The following MON2 variants were observed in gnomAD, a reference collection of about 807,000 sequenced individuals.
The protein encoded by MON2 is protein MON2 homolog.
Under a neutral mutation model 208.6 loss-of-function variants are expected in MON2, and 84 were observed. The ratio of observed to expected loss-of-function variants is 0.40; its 90% CI spans 0.34 to 0.48. The LOEUF (loss-of-function observed/expected upper bound fraction) is 0.48, where lower values mean the gene tolerates loss of function less well. MON2 is among the 20% of genes least tolerant of loss of function. MON2 has a pLI of 0.59. For synonymous variants in MON2, 660 were observed against 694.0 expected (o/e 0.95, Z 0.77); for missense variants, 1,611 against 2,015.4 (o/e 0.80, Z 3.84).
intron 7 of MON2, 143 bp from the exon 8 acceptor site, chr12:62,508,143 A>T: frequency 1.5e-6 from 1 of 658,840 alleles, no homozygotes; most frequent in Non-Finnish European, 2.5e-6. Context: ...CTATAAAATA[A>T]TAAAACATAT....
chr12:62,546,146 T>C (rs1213592308), intron 21 of MON2, among the ~76,000 whole-genome samples: 2 of 152,162 alleles, frequency 1.3e-5, no homozygotes, highest in Non-Finnish European at 2.9e-5. Flanking sequence ...ATAAGTATTA[T>C]AGCTTCTATT....
At chr12:62,506,167 A>G (rs1161856797) in intron 7 of MON2, among the ~76,000 whole-genome samples, 1 of 152,246 alleles carries the variant, frequency 6.6e-6, no homozygotes, top group Admixed American at 6.5e-5. Flanking sequence ...TTATTTTTGT[A>G]AAATATGAAA....
Position 62,565,243 on chromosome 12 carries a change from T to A in MON2, c.4039T>A (p.Cys1347Ser), listed in dbSNP as rs2074337462. The A allele has an allele frequency of 6.2e-7, 1 of 1,612,144 alleles. No individual in the cohort carries two copies. Among genetic ancestry groups the A allele is most frequent in the Non-Finnish European group, 8.5e-7 (1 of 1,179,048 alleles). The change falls in exon 27 of 35, where the codon TGT becomes AGT. Residue 1347 changes from cysteine to serine, a missense_variant. Physicochemically the swap from Cys to Ser is moderately radical, Grantham distance 112. Transcript: ENST00000393630. ...TALDVLQKAI[C>S]VGPENMQIMY... ...TCTTATTTTGCTTTTATAGGCCATT[T>A]GTGTAGGACCAGAAAACATGCAGAT...
chr12:62,572,886 A>G (rs574532988), intron 30 of MON2, among the ~76,000 whole-genome samples: 54 of 152,332 alleles, frequency 3.5e-4, no homozygotes, highest in African/African-American at 1.2e-3. Flanking sequence ...GAAAAAAACT[A>G]CATTGGCATA....
At chr12:62,576,477 T>C (rs2074790290) in intron 30 of MON2, among the ~76,000 whole-genome samples, 1 of 152,070 alleles carries the variant, frequency 6.6e-6, no homozygotes, top group South Asian at 2.1e-4. Flanking sequence ...ATATAGATTA[T>C]ATTGCAACAA....
At chr12:62,488,618 G>T (rs567021101) in intron 2 of MON2, among the ~76,000 whole-genome samples, 1 of 152,182 alleles carries the variant, frequency 6.6e-6, no homozygotes, top group East Asian at 1.9e-4. Context: ...TCACATTTAG[G>T]CAGAGATCTT....
At chr12:62,539,304 G>T (rs561539303) in intron 19 of MON2, among the ~76,000 whole-genome samples, 3 of 146,846 alleles carry the variant, frequency 2.0e-5, no homozygotes, top group South Asian at 2.1e-4. Flanking sequence ...GTCTCGCCTT[G>T]TCGCCCAGGC....
intron 1 of MON2, among the ~76,000 whole-genome samples, chr12:62,475,780 C>T (rs1349898672): frequency 8.8e-5 from 13 of 147,372 alleles, no homozygotes; most frequent in African/African-American, 2.0e-4. Flanking sequence ...GAGGCTGAGG[C>T]GGGCTGATAA....
chr12:62,552,825 T>G (rs1318760601), intron 23 of MON2, 56 bp from the exon 24 acceptor site: 15 of 1,355,676 alleles, frequency 1.1e-5, no homozygotes, highest in Non-Finnish European at 1.4e-5. Context: ...GTTGCATATT[T>G]ATGTGTTTAA....
In MON2 at chr12:62,556,055, T is replaced by C. The variant is rs138210046; in HGVS notation, c.3272T>C (p.Ile1091Thr). The C allele has an allele frequency of 1.2e-5, 20 of 1,613,846 alleles. No homozygotes were observed. The African/African-American group carries it at 2.4e-4, about 19-fold the overall frequency. ...TCTACCACTGCAGACAAAGAAAAGA[T>C]TGAGTCTGGAGGTGGCAATATTCTC... Reference protein sequence around the residue: ...ESSTTADKEKIESGGGNILIH... With the variant: ...ESSTTADKEKTESGGGNILIH... The change falls in exon 25 of 35, where the codon ATT becomes ACT. Residue 1091 changes from isoleucine to threonine, a missense_variant. Physicochemically the swap from Ile to Thr is moderately conservative, Grantham distance 89 (BLOSUM62 -1). Transcript: ENST00000393630.
intron 23 of MON2, among the ~76,000 whole-genome samples, chr12:62,550,575 G>A (rs1464310975): frequency 6.6e-6 from 1 of 152,166 alleles, no homozygotes; most frequent in African/African-American, 2.4e-5. Context: ...TTGAAAATCT[G>A]TTGGTCAGTG....
intron 7 of MON2, among the ~76,000 whole-genome samples, chr12:62,507,416 A>T (rs938340471): frequency 6.6e-6 from 1 of 151,364 alleles, no homozygotes; most frequent in Non-Finnish European, 1.5e-5. Context: ...CCCTGGGCTC[A>T]AGTGATCCTC....
chr12:62,508,181 T>C (rs941695083), intron 7 of MON2, 105 bp from the exon 8 acceptor site: 45 of 766,080 alleles, frequency 5.9e-5, no homozygotes, highest in Non-Finnish European at 9.3e-5. Flanking sequence ...AAATTATTAA[T>C]ACTGGTTATT....
At chr12:62,476,161 G>A (rs1387031649) in intron 1 of MON2, among the ~76,000 whole-genome samples, 5 of 152,174 alleles carry the variant, frequency 3.3e-5, no homozygotes, top group Non-Finnish European at 5.9e-5. Context: ...AGAATAGAAT[G>A]TCATATAGGT....
intron 8 of MON2, among the ~76,000 whole-genome samples, chr12:62,520,783 C>T (rs545046983): frequency 1.3e-5 from 2 of 149,344 alleles, no homozygotes; most frequent in East Asian, 2.0e-4. Flanking sequence ...AAAAATTAGC[C>T]GGGTGTGGTG....
chr12:62,574,213 G>C (rs957328298), intron 30 of MON2, among the ~76,000 whole-genome samples: 2 of 152,096 alleles, frequency 1.3e-5, no homozygotes, highest in African/African-American at 2.4e-5. Context: ...TAAAATGCTT[G>C]TTTCCACTAT....
At chr12:62,479,688 A>G (rs1324266993) in intron 1 of MON2, among the ~76,000 whole-genome samples, 2 of 151,900 alleles carry the variant, frequency 1.3e-5, no homozygotes, top group African/African-American at 4.8e-5. Context: ...ATTCTTTCCA[A>G]CTCATAGATT....
In MON2 at chr12:62,598,706, C is replaced by T. The variant is rs574373096; in HGVS notation, c.*5957C>T. The stretch of plus-strand genomic sequence containing the variant: ...TAATACCACTGTTGTTACTCTTTCT[C>T]CTTACAATTTTTATGTTGTTGAGAT... On this transcript the variant is annotated 3_prime_UTR_variant, in exon 35 of 35. Transcript: ENST00000393630. 1 of 152,248 alleles carries T rather than the reference C, an allele frequency of 6.6e-6. No homozygotes were observed. Among genetic ancestry groups the T allele is most frequent in the African/African-American group, 2.4e-5 (1 of 41,562 alleles). 9.4% of individuals were successfully genotyped at this position (152,248 alleles called of 1,614,324 possible).
intron 8 of MON2, among the ~76,000 whole-genome samples, chr12:62,520,050 C>T (rs778849274): frequency 2.0e-5 from 3 of 152,198 alleles, no homozygotes; most frequent in Admixed American, 6.5e-5. Flanking sequence ...CTCCTGACCT[C>T]GTGATCTGCC....
Sources: gnomAD v4.1 joint callset for allele counts (sites outside exome capture counted in the v4.1 genomes callset) on GRCh38, gnomAD v4.1.1 for gene constraint, MANE v1.5 for transcripts, NCBI Gene and HGNC (gene_info 2026-07-23, HGNC 2026-07-21) for gene names.